TMCC1: variants seen among roughly 807,000 people sequenced by gnomAD.
The protein encoded by TMCC1 is transmembrane and coiled-coil domains protein 1.
Under a neutral mutation model 52.4 loss-of-function variants are expected in TMCC1, and 15 were observed. The ratio of observed to expected loss-of-function variants is 0.29; its 90% CI spans 0.19 to 0.44. The LOEUF (loss-of-function observed/expected upper bound fraction) is 0.44, where lower values mean the gene tolerates loss of function less well. TMCC1 is among the 20% of genes least tolerant of loss of function. TMCC1 has a pLI of 1.00. For synonymous variants in TMCC1, 279 were observed against 301.9 expected (o/e 0.92, Z 0.79); for missense variants, 503 against 806.0 (o/e 0.62, Z 4.55).
intron 4 of TMCC1, among the ~76,000 whole-genome samples, chr3:129,777,510 A>G (rs1179886352): frequency 2.0e-5 from 3 of 152,242 alleles, no homozygotes; most frequent in Admixed American, 6.5e-5. Flanking sequence ...TAAATGACTT[A>G]AAAGTACATC....
chr3:129,734,514 C>T (rs80219343), intron 4 of TMCC1, among the ~76,000 whole-genome samples: 2,359 of 152,096 alleles, frequency 0.016, 46 homozygotes, highest in African/African-American at 0.055. Flanking sequence ...GGAGAAACCC[C>T]GTCACTACAA....
At chr3:129,664,116 A>G (rs185265224) in intron 5 of TMCC1, among the ~76,000 whole-genome samples, 16 of 152,266 alleles carry the variant, frequency 1.1e-4, no homozygotes, top group South Asian at 6.2e-4. Flanking sequence ...TGTATACGTC[A>G]TATTTCCTAA....
chr3:129,817,588 G>A (rs2058162484), intron 4 of TMCC1, among the ~76,000 whole-genome samples: 2 of 152,152 alleles, frequency 1.3e-5, no homozygotes, highest in Admixed American at 6.5e-5. Context: ...GGCCCTTAGA[G>A]ACTATCCCAC....
intron 2 of TMCC1, among the ~76,000 whole-genome samples, chr3:129,862,876 T>C (rs1281555068): frequency 6.6e-6 from 1 of 152,224 alleles, no homozygotes; most frequent in African/African-American, 2.4e-5. Context: ...CTAGTCCCTC[T>C]GCACCTTGGA....
chr3:129,685,494 C>G (rs1157248737), intron 4 of TMCC1, among the ~76,000 whole-genome samples: 1 of 151,106 alleles, frequency 6.6e-6, no homozygotes, highest in Non-Finnish European at 1.5e-5. Flanking sequence ...GTATCTGATA[C>G]AGAAAGGGTA....
At chr3:129,796,791 T>G (rs1048182454) in intron 4 of TMCC1, among the ~76,000 whole-genome samples, 1 of 152,276 alleles carries the variant, frequency 6.6e-6, no homozygotes, top group Middle Eastern at 3.4e-3. Flanking sequence ...CAGTGAGGCA[T>G]GATGCTCCAG....
intron 4 of TMCC1, among the ~76,000 whole-genome samples, chr3:129,824,481 T>G (rs1171977662): frequency 6.6e-6 from 1 of 152,238 alleles, no homozygotes; most frequent in Non-Finnish European, 1.5e-5. Flanking sequence ...CTATATTTGA[T>G]GCCCACATGA....
chr3:129,849,418 T>C (rs1452861104), intron 2 of TMCC1, among the ~76,000 whole-genome samples: 4 of 150,110 alleles, frequency 2.7e-5, no homozygotes, highest in Non-Finnish European at 3.0e-5. Context: ...TGAGATTGCA[T>C]GCCACTGCAC....
At chr3:129,666,181 G>A (rs2087438336) in intron 5 of TMCC1, among the ~76,000 whole-genome samples, 1 of 152,148 alleles carries the variant, frequency 6.6e-6, no homozygotes, top group Non-Finnish European at 1.5e-5. Context: ...GTAAAGAGAG[G>A]CTGCTGCGGG....
chr3:129,855,819 T>C (rs2107916029), intron 2 of TMCC1, among the ~76,000 whole-genome samples: 1 of 152,338 alleles, frequency 6.6e-6, no homozygotes, highest in East Asian at 1.9e-4. Context: ...ATAGTAGATA[T>C]TATAATTCAT....
chr3:129,779,801 A>C (rs1374255914), intron 4 of TMCC1, among the ~76,000 whole-genome samples: 1 of 152,204 alleles, frequency 6.6e-6, no homozygotes, highest in Non-Finnish European at 1.5e-5. Context: ...GTCACTGAAT[A>C]GTTTCAACAG....
At chr3:129,864,930 A>G (rs1023701661) in intron 2 of TMCC1, among the ~76,000 whole-genome samples, 13 of 152,208 alleles carry the variant, frequency 8.5e-5, no homozygotes, top group Non-Finnish European at 1.9e-4. Flanking sequence ...ACATTAATAC[A>G]GTCATTTATC....
intron 4 of TMCC1, among the ~76,000 whole-genome samples, chr3:129,673,730 A>G (rs2088158512): frequency 6.6e-6 from 1 of 152,062 alleles, no homozygotes; most frequent in Non-Finnish European, 1.5e-5. Flanking sequence ...ACATGCCTGG[A>G]GTCCCAGCTG....
intron 4 of TMCC1, among the ~76,000 whole-genome samples, chr3:129,781,971 G>A (rs983877435): frequency 4.6e-5 from 7 of 152,032 alleles, no homozygotes; most frequent in Admixed American, 6.6e-5. Flanking sequence ...AAGAGGCATC[G>A]CAGATAACTC....
intron 1 of TMCC1, among the ~76,000 whole-genome samples, chr3:129,880,864 CTT>C (rs62895562): frequency 2.1e-4 from 28 of 135,974 alleles, no homozygotes; most frequent in East Asian, 2.1e-4. Context: ...AATTTTTTTT[CTT>C]TTTTTTTTTT....
intron 2 of TMCC1, chr3:129,860,912 A>T (rs1431510961): frequency 6.6e-6 from 1 of 152,176 alleles, no homozygotes; most frequent in Non-Finnish European, 1.5e-5. Context: ...TTACAATCCA[A>T]AGACAATAAA....
At chr3:129,795,703 G>T (rs1053689781) in intron 4 of TMCC1, among the ~76,000 whole-genome samples, 2 of 152,162 alleles carry the variant, frequency 1.3e-5, no homozygotes, top group African/African-American at 4.8e-5. Flanking sequence ...GAAAATTCCA[G>T]AAACAAACCA....
chr3:129,860,134 C>T (rs1392715138), intron 2 of TMCC1, among the ~76,000 whole-genome samples: 1 of 152,222 alleles, frequency 6.6e-6, no homozygotes, highest in South Asian at 2.1e-4. Context: ...TTTCCACCCT[C>T]TACCCTCAGG....
At chr3:129,836,526 T>A (rs2059167004) in intron 2 of TMCC1, among the ~76,000 whole-genome samples, 1 of 152,236 alleles carries the variant, frequency 6.6e-6, no homozygotes, top group South Asian at 2.1e-4. Context: ...CAATGTGGAT[T>A]CCTGAGGTTC....
Sources: allele counts gnomAD v4.1 joint callset (sites outside exome capture counted in the v4.1 genomes callset), GRCh38; gene constraint gnomAD v4.1.1; transcripts MANE v1.5; gene names NCBI Gene and HGNC (gene_info 2026-07-23, HGNC 2026-07-21).